Variants in MEI4 observed in about 807,000 individuals in gnomAD.
MEI4 encodes meiotic double-stranded break formation protein 4.
Under a neutral mutation model 31.4 loss-of-function variants are expected in MEI4, and 27 were observed. The ratio of observed to expected loss-of-function variants is 0.86; its 90% CI spans 0.63 to 1.19. The LOEUF is 1.19. Among genes scored for constraint, MEI4 ranks in the 50% most tolerant of loss-of-function variants. The pLI is 0.00. For synonymous variants in MEI4, 122 were observed against 145.4 expected, an observed-to-expected ratio of 0.84 and a Z score of 1.16; for missense variants, 329 against 398.9, an observed-to-expected ratio of 0.82 and a Z score of 1.49.
At chr6:77,838,062 ATATTAT>A (rs1562007479) in intron 4 of MEI4, among the ~76,000 whole-genome samples, 2 of 152,094 alleles carry the variant, frequency 1.3e-5, no homozygotes, top group Admixed American at 6.6e-5. Context: ...CTGTTAGCTG[ATATTAT>A]TATTACTATT....
intron 3 of MEI4, among the ~76,000 whole-genome samples, chr6:77,780,905 TAGAATTTACTCTTTTTAGAAAA>T (rs898271009): frequency 6.6e-6 from 1 of 152,002 alleles, no homozygotes; most frequent in Admixed American, 6.6e-5. Context: ...TATTTATATA[TAGAATTTACTCTTTTTAGAAAA>T]AGATGGGGAA....
chr6:77,771,663 A>G (rs1768322337), intron 3 of MEI4, among the ~76,000 whole-genome samples: 1 of 152,150 alleles, frequency 6.6e-6, no homozygotes, highest in Admixed American at 6.5e-5. Flanking sequence ...GGAGACCATT[A>G]TCCTTGGGAA....
chr6:77,783,256 G>C (rs930389272), intron 3 of MEI4, among the ~76,000 whole-genome samples: 1 of 152,084 alleles, frequency 6.6e-6, no homozygotes, highest in East Asian at 1.9e-4. Flanking sequence ...GCATATATAT[G>C]GCAATATCTG....
In MEI4 at chr6:77,907,910, C is replaced by T. The variant is rs983348260; in HGVS notation, c.901-15179C>T. On this transcript the variant is annotated intron_variant, in intron 4 of 4. Coordinates refer to ENST00000684080, the MANE Select transcript of MEI4 (RefSeq NM_001322247.2). ...TTCTCTGATGGCCAGTGATGACGAG[C>T]GTGTTTTCATTTGTCTTTTGGCTGC... Among the ~76,000 whole-genome samples the T allele has an allele frequency of 7.2e-5, 11 of 151,782 alleles. No homozygotes were observed. The East Asian group carries it at 1.9e-3, about 27-fold the overall frequency.
chr6:77,709,946 C>T (rs6929551), intron 2 of MEI4, among the ~76,000 whole-genome samples: 123,123 of 152,098 alleles, frequency 0.81, 50,092 homozygotes, highest in East Asian at 0.95. Context: ...CAGTCCAAAG[C>T]AGGCCAAGTC....
chr6:77,825,635 G>A (rs1270447566), intron 3 of MEI4, among the ~76,000 whole-genome samples: 1 of 152,134 alleles, frequency 6.6e-6, no homozygotes, highest in Non-Finnish European at 1.5e-5. Context: ...GGTAGCAAAT[G>A]TTTTAAATAT....
chr6:77,778,706 CAAAT>C (rs71546067), intron 3 of MEI4, among the ~76,000 whole-genome samples: 7,439 of 145,710 alleles, frequency 0.051, 403 homozygotes, highest in African/African-American at 0.14. Flanking sequence ...GACCCTGTCT[CAAAT>C]AAATAAATAA....
intron 2 of MEI4, among the ~76,000 whole-genome samples, chr6:77,734,538 C>T (rs575982785): frequency 3.7e-4 from 57 of 152,054 alleles, no homozygotes; most frequent in African/African-American, 1.1e-3. Context: ...TGTCTCTGCA[C>T]GTGAGATGGG....
rs893280032 is a variant in MEI4 at position 77,849,438 on chromosome 6, G to A, written c.900+20376G>A. On this transcript the variant is annotated intron_variant, in intron 4 of 4. Transcript: ENST00000684080. ...CCTGTGTGTGTGAGAGGGGTGAACT[G>A]ACAGGAGCATAACTGCATTTCTGTT... Among the ~76,000 whole-genome samples the A allele has an allele frequency of 3.9e-5, 6 of 152,268 alleles. No individual in the cohort carries two copies. The East Asian group carries it at 1.2e-3, about 29-fold the overall frequency.
chr6:77,818,039 C>T (rs1424270641), intron 3 of MEI4, among the ~76,000 whole-genome samples: 1 of 152,146 alleles, frequency 6.6e-6, no homozygotes, highest in East Asian at 1.9e-4. Flanking sequence ...ATCTATAAAA[C>T]AAACCATTGA....
chr6:77,650,301 G>C (rs987929871), upstream of MEI4, among the ~76,000 whole-genome samples: 2 of 152,208 alleles, frequency 1.3e-5, no homozygotes, highest in African/African-American at 4.8e-5. Context: ...ACTGGTTGTG[G>C]AGCACTCGTC....
intron 2 of MEI4, among the ~76,000 whole-genome samples, chr6:77,729,458 A>G (rs1192688087): frequency 6.6e-6 from 1 of 152,226 alleles, no homozygotes; most frequent in African/African-American, 2.4e-5. Context: ...TGTGTTTGGC[A>G]TAGGATGTGG....
At chr6:77,675,514 A>G (rs1276593500) in intron 1 of MEI4, among the ~76,000 whole-genome samples, 1 of 150,996 alleles carries the variant, frequency 6.6e-6, no homozygotes, top group East Asian at 1.9e-4. Flanking sequence ...GATGGTTAAG[A>G]TGAAACAGGA....
chr6:77,779,853 A>G (rs1460221009), intron 3 of MEI4, among the ~76,000 whole-genome samples: 1 of 152,136 alleles, frequency 6.6e-6, no homozygotes, highest in African/African-American at 2.4e-5. Context: ...AATAAGCACT[A>G]TTTTTCCTGA....
intron 1 of MEI4, among the ~76,000 whole-genome samples, chr6:77,677,064 T>G (rs1768858278): frequency 6.6e-6 from 1 of 152,238 alleles, no homozygotes; most frequent in Admixed American, 6.5e-5. Context: ...GGCTTATGGT[T>G]AAGATGTTTA....
chr6:77,862,542 T>G (rs1358493747), intron 4 of MEI4, among the ~76,000 whole-genome samples: 1 of 152,160 alleles, frequency 6.6e-6, no homozygotes, highest in African/African-American at 2.4e-5. Flanking sequence ...CACCTGCCAT[T>G]GCACCGAGGC....
intron 3 of MEI4, among the ~76,000 whole-genome samples, chr6:77,816,729 T>C (rs750149661): frequency 6.6e-6 from 1 of 152,186 alleles, no homozygotes; most frequent in African/African-American, 2.4e-5. Flanking sequence ...GACTTCCTTA[T>C]TGGAAAACCC....
intron 4 of MEI4, among the ~76,000 whole-genome samples, chr6:77,898,754 T>A (rs4272185): frequency 0.069 from 10,547 of 152,094 alleles, 548 homozygotes; most frequent in Non-Finnish European, 0.11. Flanking sequence ...ACCTCAAATA[T>A]ACAGTCCCCT....
intron 4 of MEI4, among the ~76,000 whole-genome samples, chr6:77,910,321 C>T (rs1766403632): frequency 6.6e-6 from 1 of 152,130 alleles, no homozygotes; most frequent in Admixed American, 6.6e-5. Context: ...ATTGTCTCAG[C>T]CCAAAATCTT....
Sources: gnomAD v4.1 joint callset for allele counts (sites outside exome capture counted in the v4.1 genomes callset) on GRCh38, gnomAD v4.1.1 for gene constraint, MANE v1.5 for transcripts, NCBI Gene and HGNC (gene_info 2026-07-23, HGNC 2026-07-21) for gene names.